RAP1GAP2: variants seen among roughly 807,000 people sequenced by gnomAD.
The protein encoded by RAP1GAP2 is RAP1 GTPase activating protein 2.
RAP1GAP2 carries 27 observed loss-of-function variants against 95.0 expected under a neutral mutation model. That is an observed-to-expected ratio of 0.28 (90% CI 0.21 to 0.39). The LOEUF (loss-of-function observed/expected upper bound fraction) is 0.39, where lower values mean the gene tolerates loss of function less well. RAP1GAP2 is among the 10% of genes least tolerant of loss of function. RAP1GAP2 has a pLI of 1.00. For synonymous variants in RAP1GAP2, 373 were observed against 380.9 expected, an observed-to-expected ratio of 0.98 and a Z score of 0.24; for missense variants, 771 against 970.0, an observed-to-expected ratio of 0.79 and a Z score of 2.72.
intron 3 of RAP1GAP2, among the ~76,000 whole-genome samples, chr17:2,943,186 C>A (rs2043569449): frequency 6.7e-6 from 1 of 148,504 alleles, no homozygotes; most frequent in Admixed American, 6.7e-5. Context: ...TATAGATTTA[C>A]CCATCCTAGA....
chr17:2,899,274 G>C (rs768972670), intron 2 of RAP1GAP2, among the ~76,000 whole-genome samples: 1 of 152,140 alleles, frequency 6.6e-6, no homozygotes, highest in Middle Eastern at 3.4e-3. Flanking sequence ...GAGCGATCTC[G>C]GCTCACTGCA....
At chr17:2,873,577 A>G (rs1200644304) in intron 2 of RAP1GAP2, among the ~76,000 whole-genome samples, 1 of 146,140 alleles carries the variant, frequency 6.8e-6, no homozygotes, top group Non-Finnish European at 1.5e-5. Context: ...ACAGATTGGG[A>G]CAAGGATAAG....
intron 3 of RAP1GAP2, among the ~76,000 whole-genome samples, chr17:2,911,839 G>A (rs1040321559): frequency 3.3e-5 from 5 of 152,152 alleles, no homozygotes; most frequent in African/African-American, 7.2e-5. Context: ...CGACGCTCAT[G>A]GGAAGGACAC....
chr17:2,992,317 A>G (rs1354234388), intron 12 of RAP1GAP2, among the ~76,000 whole-genome samples: 1 of 151,518 alleles, frequency 6.6e-6, no homozygotes, highest in Non-Finnish European at 1.5e-5. Flanking sequence ...GCGCGCCACC[A>G]TGCCTGGCTA....
Position 2,829,504 on chromosome 17 carries a change from T to A in RAP1GAP2, c.80+28954T>A, listed in dbSNP as rs72817385. 9.2e-3 allele frequency among the ~76,000 whole-genome samples: 1,403 copies of A among 152,166 alleles called. 9 individuals carry two copies. The highest frequency in any genetic ancestry group is 0.016 in the Non-Finnish European group (1,061 of 67,978). On this transcript the variant is annotated intron_variant, in intron 2 of 24. Transcript: ENST00000254695. ...CTCCCAGTGCCATGCCCTGCTCACCTCCAGCCCCTCTAGCAGGCAGCCCTG... is the reference window on the plus strand; with the variant it reads ...CTCCCAGTGCCATGCCCTGCTCACCACCAGCCCCTCTAGCAGGCAGCCCTG...
intron 8 of RAP1GAP2, among the ~76,000 whole-genome samples, chr17:2,969,784 G>A (rs1013578867): frequency 6.6e-6 from 1 of 152,028 alleles, no homozygotes; most frequent in African/African-American, 2.4e-5. Flanking sequence ...GATTACAGGC[G>A]TGAGTCACCG....
chr17:3,017,135 C>T (rs2046795334), intron 17 of RAP1GAP2, among the ~76,000 whole-genome samples: 1 of 152,196 alleles, frequency 6.6e-6, no homozygotes, highest in South Asian at 2.1e-4. Context: ...TGCTTCAACA[C>T]AGCACTCTGA....
intron 1 of RAP1GAP2, among the ~76,000 whole-genome samples, chr17:2,787,113 G>A (rs2068801608): frequency 6.6e-6 from 1 of 151,250 alleles, no homozygotes; most frequent in Non-Finnish European, 1.5e-5. Context: ...ACCATACCTG[G>A]CTAGTTTTGT....
intron 3 of RAP1GAP2, among the ~76,000 whole-genome samples, chr17:2,908,377 G>A (rs1196935646): frequency 6.6e-6 from 1 of 152,116 alleles, no homozygotes. Context: ...AGTCATTGAC[G>A]ATGTTACCCA....
intron 3 of RAP1GAP2, among the ~76,000 whole-genome samples, chr17:2,940,841 G>A (rs1018944294): frequency 2.0e-5 from 3 of 152,128 alleles, no homozygotes; most frequent in African/African-American, 7.2e-5. Context: ...CTCCCTCCTT[G>A]GCTGTGTCAT....
At chr17:2,894,953 C>T (rs758593424) in intron 2 of RAP1GAP2, among the ~76,000 whole-genome samples, 6 of 152,162 alleles carry the variant, frequency 3.9e-5, no homozygotes, top group Non-Finnish European at 7.3e-5. Flanking sequence ...ATGGGCACCC[C>T]GCCTCGGGCC....
chr17:2,824,983 C>G (rs2070485144), intron 2 of RAP1GAP2, among the ~76,000 whole-genome samples: 1 of 152,086 alleles, frequency 6.6e-6, no homozygotes, highest in South Asian at 2.1e-4. Flanking sequence ...GTTGCTCTGT[C>G]CCCCAGGCTG....
intron 17 of RAP1GAP2, among the ~76,000 whole-genome samples, chr17:3,011,984 A>C (rs1320898907): frequency 6.6e-6 from 1 of 152,132 alleles, no homozygotes; most frequent in Non-Finnish European, 1.5e-5. Flanking sequence ...GCTGAAAGCC[A>C]TCTCAGCCAT....
chr17:2,885,729 G>T (rs1193029864), intron 2 of RAP1GAP2, among the ~76,000 whole-genome samples: 1 of 152,228 alleles, frequency 6.6e-6, no homozygotes, highest in East Asian at 1.9e-4. Context: ...TGAGCCAACT[G>T]GGGCAGGGAG....
At chr17:2,833,495 C>A (rs1424763074) in intron 2 of RAP1GAP2, among the ~76,000 whole-genome samples, 1 of 151,800 alleles carries the variant, frequency 6.6e-6, no homozygotes, top group Non-Finnish European at 1.5e-5. Context: ...TCGAGACCAT[C>A]TTGGCTAACA....
At chr17:2,830,607 A>G (rs1225570402) in intron 2 of RAP1GAP2, among the ~76,000 whole-genome samples, 6 of 151,100 alleles carry the variant, frequency 4.0e-5, no homozygotes, top group East Asian at 3.9e-4. Flanking sequence ...CCAGCTACTC[A>G]GGAAGCTGAG....
intron 3 of RAP1GAP2, among the ~76,000 whole-genome samples, chr17:2,921,294 G>C (rs1292013949): frequency 6.6e-6 from 1 of 152,018 alleles, no homozygotes; most frequent in African/African-American, 2.4e-5. Context: ...TCTGCCTCCT[G>C]GGTTCAAGCA....
intron 1 of RAP1GAP2, among the ~76,000 whole-genome samples, chr17:2,780,925 A>AT (rs1352126487): frequency 6.6e-6 from 1 of 152,178 alleles, no homozygotes; most frequent in Non-Finnish European, 1.5e-5. Context: ...TCAGCCTGAC[A>AT]TGCTGTACTG....
chr17:3,025,364 G>A (rs766778469), intron 19 of RAP1GAP2, among the ~76,000 whole-genome samples: 4 of 152,180 alleles, frequency 2.6e-5, no homozygotes, highest in African/African-American at 2.4e-5. Flanking sequence ...GCAACAGAGC[G>A]AGACTCAGTC....
Sources: allele counts gnomAD v4.1 joint callset (sites outside exome capture counted in the v4.1 genomes callset), GRCh38; gene constraint gnomAD v4.1.1; transcripts MANE v1.5; gene names NCBI Gene and HGNC (gene_info 2026-07-23, HGNC 2026-07-21).